The following ZFHX4 variants were observed in gnomAD, a reference collection of about 807,000 sequenced individuals.
ZFHX4 encodes the protein zinc finger homeobox 4, also known as zinc finger homeobox protein 4.
ZFHX4 carries 56 observed loss-of-function variants against 267.6 expected under a neutral mutation model. The ratio of observed to expected loss-of-function variants is 0.21; its 90% CI spans 0.17 to 0.26. The LOEUF (loss-of-function observed/expected upper bound fraction) is 0.26, where lower values mean the gene tolerates loss of function less well. Among genes scored for constraint, ZFHX4 ranks in the 10% least tolerant of loss-of-function variants. ZFHX4 has a pLI of 1.00. For missense variants in ZFHX4, 4,332 were observed against 4,420.0 expected, an observed-to-expected ratio of 0.98 and a Z score of 0.56; for synonymous variants, 1,778 against 1,665.6, an observed-to-expected ratio of 1.07 and a Z score of -1.64.
intron 3 of ZFHX4, among the ~76,000 whole-genome samples, chr8:76,749,030 G>A (rs973487404): frequency 2.6e-5 from 4 of 152,084 alleles, no homozygotes; most frequent in African/African-American, 9.7e-5. Flanking sequence ...TCCAGGTGGG[G>A]AAAAAACAGT....
At chr8:76,750,538 G>T (rs1348886246) in intron 3 of ZFHX4, among the ~76,000 whole-genome samples, 1 of 152,066 alleles carries the variant, frequency 6.6e-6, no homozygotes, top group South Asian at 2.1e-4. Context: ...AAATGTAAAG[G>T]TGTGAAAAAT....
intron 4 of ZFHX4, among the ~76,000 whole-genome samples, chr8:76,803,975 A>G (rs1811183537): frequency 6.6e-6 from 1 of 152,148 alleles, no homozygotes; most frequent in South Asian, 2.1e-4. Context: ...ATTCAGACTT[A>G]GAATTTTTGC....
intron 6 of ZFHX4, among the ~76,000 whole-genome samples, chr8:76,843,445 G>A (rs1291497019): frequency 2.0e-5 from 3 of 152,144 alleles, no homozygotes; most frequent in East Asian, 1.9e-4. Context: ...ACAAACCTTC[G>A]TGTCATGACA....
At chr8:76,829,005 G>A (rs1226696583) in intron 4 of ZFHX4, among the ~76,000 whole-genome samples, 1 of 152,026 alleles carries the variant, frequency 6.6e-6, no homozygotes, top group African/African-American at 2.4e-5. Flanking sequence ...AGGTTTTGCA[G>A]GCAAATAGTA....
intron 1 of ZFHX4, among the ~76,000 whole-genome samples, chr8:76,701,508 T>C (rs930082175): frequency 6.6e-6 from 1 of 152,174 alleles, no homozygotes; most frequent in Non-Finnish European, 1.5e-5. Context: ...CTTCTGGCTC[T>C]TTTAAGTAAA....
intron 4 of ZFHX4, among the ~76,000 whole-genome samples, chr8:76,815,668 A>AT (rs1299693603): frequency 6.6e-6 from 1 of 151,932 alleles, no homozygotes; most frequent in Non-Finnish European, 1.5e-5. Context: ...TGACTGGCTA[A>AT]TTTTTTATTT....
chr8:76,770,935 A>C (rs1324694313), intron 3 of ZFHX4, among the ~76,000 whole-genome samples: 3 of 152,154 alleles, frequency 2.0e-5, no homozygotes, highest in Non-Finnish European at 1.5e-5. Context: ...TGAAGCCATC[A>C]TCATGCAGGG....
chr8:76,807,474 T>C (rs1044925152), intron 4 of ZFHX4, among the ~76,000 whole-genome samples: 5 of 151,930 alleles, frequency 3.3e-5, no homozygotes, highest in African/African-American at 1.2e-4. Flanking sequence ...AGTAAATGAG[T>C]AGGGGGTTTC....
intron 3 of ZFHX4, among the ~76,000 whole-genome samples, chr8:76,716,986 C>A (rs1001962119): frequency 2.6e-5 from 4 of 152,086 alleles, no homozygotes; most frequent in African/African-American, 9.7e-5. Context: ...CAGTAATGCA[C>A]TAAATGGTAC....
At chr8:76,828,298 G>C (rs966501156) in intron 4 of ZFHX4, among the ~76,000 whole-genome samples, 18 of 151,680 alleles carry the variant, frequency 1.2e-4, no homozygotes, top group Non-Finnish European at 5.9e-5. Flanking sequence ...AAATAATTTA[G>C]TTTTCAGGCT....
At chr8:76,850,498 T>A in intron 9 of ZFHX4, 136 bp downstream of exon 9, 1 of 775,322 alleles carries the variant, frequency 1.3e-6, no homozygotes, top group Non-Finnish European at 2.0e-6. Context: ...CAAAGAGCCA[T>A]ATTTTCCAAG....
intron 3 of ZFHX4, among the ~76,000 whole-genome samples, chr8:76,719,885 TAG>T (rs1184132324): frequency 6.6e-6 from 1 of 152,156 alleles, no homozygotes; most frequent in Non-Finnish European, 1.5e-5. Flanking sequence ...AGTTCTGCAT[TAG>T]AAAGGGAAAG....
Position 76,706,656 on chromosome 8 carries a change from A to C in ZFHX4, c.2568A>C (p.Ala856=), listed in dbSNP as rs767941317. ...CATTCCAGCTGGATCCAGCGACAGC[A>C]GCGGCTTTGGCACCAGGGCTCGGTT... ...INPFQLDPAT[A]AALAPGLVNN... Residue 856 remains alanine (A), a synonymous_variant, in exon 2 of 11, where the codon GCA becomes GCC. Transcript: ENST00000651372. The C allele has an allele frequency of 4.4e-6, 7 of 1,593,524 alleles. No individual in the cohort carries two copies. The highest frequency in any genetic ancestry group is 2.3e-5 in the South Asian group (2 of 86,870).
chr8:76,834,353 C>A lies in ZFHX4; in HGVS notation c.3394+947C>A, dbSNP rs781358556. The A allele has an allele frequency of 2.1e-5, 5 of 241,426 alleles. No homozygotes were observed. In the South Asian group the frequency reaches 2.5e-4, roughly 12 times the overall value. 15.0% of individuals were successfully genotyped at this position (241,426 alleles called of 1,614,324 possible). On this transcript the variant is annotated intron_variant, in intron 5 of 10. Transcript: ENST00000651372. Reference sequence around the variant, plus strand: ...TTGTACCATTTTGCATTCCCACCAGCGATGAATGAGAGTTCCTGTTGCCCC... The same window carrying A: ...TTGTACCATTTTGCATTCCCACCAGAGATGAATGAGAGTTCCTGTTGCCCC...
intron 3 of ZFHX4, among the ~76,000 whole-genome samples, chr8:76,763,067 A>G (rs1370566308): frequency 6.6e-6 from 1 of 152,152 alleles, no homozygotes; most frequent in African/African-American, 2.4e-5. Context: ...TCTCATTTTT[A>G]TCCCCTCACG....
chr8:76,692,886 A>G (rs1807859453), intron 1 of ZFHX4, among the ~76,000 whole-genome samples: 1 of 152,202 alleles, frequency 6.6e-6, no homozygotes, highest in South Asian at 2.1e-4. Context: ...TCTTAAAAAT[A>G]AAAGTGTGTG....
rs373799877 is a variant in ZFHX4, at chr8:76,790,979, A to G, written c.3325+12540A>G. On this transcript the variant is annotated intron_variant, in intron 4 of 10. Transcript: ENST00000651372. ...AGGGGCCTGGAGGCCTATGCCTTGC[A>G]GTTTTCTTCTTGGTAGATTGTTTCT... 9.8e-5 allele frequency among the ~76,000 whole-genome samples: 15 copies of G among 152,292 alleles called. No homozygotes were observed. The East Asian group carries it at 2.7e-3, about 27-fold the overall frequency.
chr8:76,752,246 A>C (rs1809631903), intron 3 of ZFHX4, among the ~76,000 whole-genome samples: 1 of 152,108 alleles, frequency 6.6e-6, no homozygotes, highest in East Asian at 1.9e-4. Context: ...AGAATGAAAA[A>C]TATTGGTTCA....
At chr8:76,846,963 G>A (rs1428535742) in intron 6 of ZFHX4, among the ~76,000 whole-genome samples, 4 of 152,232 alleles carry the variant, frequency 2.6e-5, no homozygotes, top group East Asian at 3.9e-4. Context: ...CATCATGTAC[G>A]CAAAAGAACG....
Sources: gnomAD v4.1 joint callset for allele counts (sites outside exome capture counted in the v4.1 genomes callset) on GRCh38, gnomAD v4.1.1 for gene constraint, MANE v1.5 for transcripts, NCBI Gene and HGNC (gene_info 2026-07-23, HGNC 2026-07-21) for gene names.